Variants in STEAP2 observed in about 807,000 individuals in gnomAD.
STEAP2 encodes the protein metalloreductase STEAP2.
Under a neutral mutation model 46.4 loss-of-function variants are expected in STEAP2, and 30 were observed. That is an observed-to-expected ratio of 0.65 (90% CI 0.48 to 0.88). The LOEUF is 0.88. Among genes scored for constraint, STEAP2 ranks in the 40% least tolerant of loss-of-function variants. The probability of loss-of-function intolerance (pLI) is 0.00; values close to 1 mark genes in which losing one functional copy is unlikely to be tolerated. For missense variants in STEAP2, 513 were observed against 579.3 expected, an observed-to-expected ratio of 0.89 and a Z score of 1.18; for synonymous variants, 180 against 200.5, an observed-to-expected ratio of 0.90 and a Z score of 0.86.
Position 90,227,231 on chromosome 7 carries a change from T to C in STEAP2, c.753T>C (p.Pro251=), listed in dbSNP as rs776366698. Residue 251 remains proline, a synonymous_variant, in exon 4 of 6, where the codon CCT becomes CCC. Transcript: ENST00000394621. ...AACAGAGTGACTTTTACAAAATTCC[T>C]ATAGAGATTGTGAATAAAACCTTAC... is the stretch of plus-strand genomic sequence containing the variant. ...RNQQSDFYKI[P]IEIVNKTLPI... The C allele has an allele frequency of 1.2e-6, 2 of 1,613,908 alleles. No individual in the cohort carries two copies. Among genetic ancestry groups the C allele is most frequent in the Non-Finnish European group, 1.7e-6 (2 of 1,179,864 alleles).
chr7:90,219,660 T>G (rs182339122), intron 2 of STEAP2, among the ~76,000 whole-genome samples: 1 of 152,252 alleles, frequency 6.6e-6, no homozygotes, highest in East Asian at 1.9e-4. Context: ...TCCCCTTTGA[T>G]CATGATGTGT....
chr7:90,237,641 C>A lies in STEAP2; in HGVS notation c.*5017C>A, dbSNP rs952463784. On this transcript the variant is annotated 3_prime_UTR_variant, in exon 6 of 6. Coordinates refer to ENST00000394621, the MANE Select transcript of STEAP2 (RefSeq NM_001244944.2). ...AACTTCTGTTTTGAAATGTTGTATA[C>A]ACGTGGATTTTTTTCTCATTAAATA... 3.2e-5 allele frequency: 5 copies of A among 156,542 alleles called. No individual in the cohort carries two copies. The highest frequency in any genetic ancestry group is 1.2e-4 in the African/African-American group (5 of 41,432). The allele number at this position is 156,542 out of a possible 1,614,324, so 9.7% of individuals were successfully genotyped here. A position where few individuals can be genotyped will look rare whatever the true frequency, so the allele number is the denominator to read the frequency against.
At chr7:90,217,451 A>C (rs1795069433) in intron 2 of STEAP2, among the ~76,000 whole-genome samples, 1 of 151,932 alleles carries the variant, frequency 6.6e-6, no homozygotes. Flanking sequence ...CTCTCATGCT[A>C]TTCTCTACCT....
At chr7:90,224,321 C>T (rs1179778312) in intron 2 of STEAP2, among the ~76,000 whole-genome samples, 2 of 152,150 alleles carry the variant, frequency 1.3e-5, no homozygotes, top group African/African-American at 4.8e-5. Context: ...AGTTACCACC[C>T]CTTTCCATGG....
chr7:90,223,354 G>A lies in STEAP2; in HGVS notation c.-33-1696G>A, dbSNP rs572596710. Among the ~76,000 whole-genome samples, 3 of 152,266 alleles carry A rather than the reference G, an allele frequency of 2.0e-5. No homozygotes were observed. In the South Asian group the frequency reaches 6.2e-4, roughly 32 times the overall value. ...TAACTATTTCTCTCTCTGGGCATGG[G>A]CAAGCCAAGCTGGGTCCTGACTCCC... On this transcript the variant is annotated intron_variant, in intron 2 of 5. Transcript: ENST00000394621.
chr7:90,221,517 A>G (rs577446927), intron 2 of STEAP2, among the ~76,000 whole-genome samples: 2 of 152,116 alleles, frequency 1.3e-5, no homozygotes, highest in East Asian at 1.9e-4. Flanking sequence ...TATATGTTAG[A>G]TGGGTTTCTT....
At chr7:90,218,407 G>A (rs1347749934) in intron 2 of STEAP2, among the ~76,000 whole-genome samples, 1 of 152,074 alleles carries the variant, frequency 6.6e-6, no homozygotes, top group African/African-American at 2.4e-5. Flanking sequence ...TGGGTCTTAT[G>A]TTTAAGTCTT....
chr7:90,236,930 C>A lies in STEAP2; in HGVS notation c.*4306C>A. The A allele has an allele frequency of 6.2e-7, 1 of 1,614,122 alleles. No homozygotes were observed. Among genetic ancestry groups the A allele is most frequent in the Non-Finnish European group, 8.5e-7 (1 of 1,180,006 alleles). On this transcript the variant is annotated 3_prime_UTR_variant, in exon 6 of 6. Coordinates refer to ENST00000394621, the MANE Select transcript of STEAP2 (RefSeq NM_001244944.2). ...TGCAGATACCCAGACTGAGCTGGAA[C>A]TGGAATTTGTCTTCCTATTGACTCT...
At chr7:90,241,615 C>T (rs1308307649), downstream of STEAP2, among the ~76,000 whole-genome samples, 3 of 152,162 alleles carry the variant, frequency 2.0e-5, no homozygotes, top group Non-Finnish European at 4.4e-5. Flanking sequence ...AGCAGAGACT[C>T]TGCAGGTAGG....
chr7:90,215,011 CTGCA>C (rs1429998552), intron 1 of STEAP2, among the ~76,000 whole-genome samples: 12 of 152,086 alleles, frequency 7.9e-5, no homozygotes, highest in Non-Finnish European at 1.3e-4. Flanking sequence ...GAGCCAGAGT[CTGCA>C]GTCATAAGGA....
chr7:90,212,815 C>T (rs945788200), intron 1 of STEAP2, among the ~76,000 whole-genome samples: 8 of 150,428 alleles, frequency 5.3e-5, no homozygotes, highest in African/African-American at 2.0e-4. Context: ...ATTCAGACTC[C>T]TGCCCCACCC....
intron 2 of STEAP2, among the ~76,000 whole-genome samples, chr7:90,219,012 G>T (rs1359897848): frequency 6.9e-4 from 104 of 150,738 alleles, no homozygotes; most frequent in Non-Finnish European, 5.9e-5. Flanking sequence ...ATTCCTAGTT[G>T]TTTTTTGTTT....
chr7:90,224,465 A>G (rs916448608), intron 2 of STEAP2, among the ~76,000 whole-genome samples: 9 of 152,220 alleles, frequency 5.9e-5, no homozygotes, highest in African/African-American at 2.2e-4. Context: ...CTCTAGGCAC[A>G]CTGCCTACGG....
At chr7:90,223,621 C>T (rs1166625056) in intron 2 of STEAP2, among the ~76,000 whole-genome samples, 1 of 152,196 alleles carries the variant, frequency 6.6e-6, no homozygotes, top group Non-Finnish European at 1.5e-5. Flanking sequence ...ATGTTTACCT[C>T]TGCCTGTCCT....
chr7:90,238,151 C>T, downstream of STEAP2: 2 of 701,064 alleles, frequency 2.9e-6, no homozygotes, highest in Non-Finnish European at 5.3e-6. Context: ...GCTGCCACTA[C>T]CACCACCACC....
chr7:90,236,981 A>G lies in STEAP2; in HGVS notation c.*4357A>G. 1.9e-6 allele frequency: 3 copies of G among 1,613,038 alleles called. No individual in the cohort carries two copies. The Admixed American group carries it at 5.0e-5, about 27-fold the overall frequency. ...ACTTCTTTAAAAGCGGCTGCCCATT[A>G]CATTCCTCAGCTGTCCTTGCAGTTA... On this transcript the variant is annotated 3_prime_UTR_variant, in exon 6 of 6. Transcript: ENST00000394621.
chr7:90,230,441 T>C (rs1426420790), intron 5 of STEAP2, among the ~76,000 whole-genome samples: 2 of 152,008 alleles, frequency 1.3e-5, no homozygotes, highest in African/African-American at 4.8e-5. Flanking sequence ...TAATTTGAAC[T>C]CAAGTGGGGA....
chr7:90,235,549 G>A lies in STEAP2; in HGVS notation c.*2925G>A. Reference sequence around the variant, plus strand: ...GCAGTGGAGATTTGCTACCTGGTCTGTGTTTTGAGAAGTGCCCCTTAGAAA... The same window carrying A: ...GCAGTGGAGATTTGCTACCTGGTCTATGTTTTGAGAAGTGCCCCTTAGAAA... On this transcript the variant is annotated 3_prime_UTR_variant, in exon 6 of 6. Coordinates refer to ENST00000394621, the MANE Select transcript of STEAP2 (RefSeq NM_001244944.2). 1 of 985,010 alleles carries A rather than the reference G, an allele frequency of 1.0e-6. No homozygotes were observed. The highest frequency in any genetic ancestry group is 1.2e-6 in the Non-Finnish European group (1 of 829,824). The allele number at this position is 985,010 out of a possible 1,614,324, so 61.0% of individuals were successfully genotyped here. A position where few individuals can be genotyped will look rare whatever the true frequency, so the allele number is the denominator to read the frequency against.
At chr7:90,231,484 A>G (rs538509038) in intron 5 of STEAP2, among the ~76,000 whole-genome samples, 6 of 152,116 alleles carry the variant, frequency 3.9e-5, no homozygotes, top group African/African-American at 1.4e-4. Context: ...TCATGTGAAC[A>G]TCATAGAGCA....
Sources: gnomAD v4.1 joint callset for allele counts (sites outside exome capture counted in the v4.1 genomes callset) on GRCh38, gnomAD v4.1.1 for gene constraint, MANE v1.5 for transcripts, NCBI Gene and HGNC (gene_info 2026-07-23, HGNC 2026-07-21) for gene names.